PROM1: variants seen among roughly 807,000 people sequenced by gnomAD.
PROM1 encodes the protein prominin 1.
Under a neutral mutation model 116.9 loss-of-function variants are expected in PROM1, and 105 were observed. That is an observed-to-expected ratio of 0.90 (90% confidence interval 0.77 to 1.06). The LOEUF (loss-of-function observed/expected upper bound fraction) is 1.06, where lower values mean the gene tolerates loss of function less well. Among genes scored for constraint, PROM1 ranks in the 50% least tolerant of loss-of-function variants. PROM1 has a pLI of 0.00. For missense variants in PROM1, 1,122 were observed against 1,045.2 expected (o/e 1.07, Z -1.01); for synonymous variants, 393 against 387.0 (o/e 1.02, Z -0.18).
At chr4:16,061,824 C>G (rs144075602) in intron 2 of PROM1, among the ~76,000 whole-genome samples, 7 of 151,524 alleles carry the variant, frequency 4.6e-5, no homozygotes, top group Admixed American at 1.3e-4. Context: ...CTGGTGGTTC[C>G]TTGAGTTGTA....
intron 27 of PROM1, among the ~76,000 whole-genome samples, chr4:15,970,182 T>C (rs1005657273): frequency 6.6e-6 from 1 of 151,296 alleles, no homozygotes; most frequent in African/African-American, 2.4e-5. Context: ...TTTTTTTTTT[T>C]TGTGATGGAG....
intron 2 of PROM1, among the ~76,000 whole-genome samples, chr4:16,057,132 T>A (rs1281746695): frequency 6.6e-6 from 1 of 152,240 alleles, no homozygotes; most frequent in Non-Finnish European, 1.5e-5. Context: ...AATGGCTCTT[T>A]AAAGAAACAC....
intron 26 of PROM1, among the ~76,000 whole-genome samples, chr4:15,978,758 C>T (rs1716905430): frequency 6.6e-6 from 1 of 152,190 alleles, no homozygotes; most frequent in South Asian, 2.1e-4. Flanking sequence ...CACTATGTCT[C>T]CACCTCTTAT....
chr4:16,064,840 C>T (rs1460245944), intron 2 of PROM1, among the ~76,000 whole-genome samples: 1 of 150,700 alleles, frequency 6.6e-6, no homozygotes, highest in African/African-American at 2.4e-5. Flanking sequence ...TTGCAGTGAG[C>T]CGAGACTACA....
intron 26 of PROM1, among the ~76,000 whole-genome samples, chr4:15,976,932 C>T (rs1326316014): frequency 6.6e-6 from 1 of 152,174 alleles, no homozygotes; most frequent in Non-Finnish European, 1.5e-5. Context: ...CAGTGCTGCT[C>T]CAGCCCTGGG....
At chr4:16,063,156 A>G (rs999786884) in intron 2 of PROM1, among the ~76,000 whole-genome samples, 1 of 152,248 alleles carries the variant, frequency 6.6e-6, no homozygotes, top group African/African-American at 2.4e-5. Flanking sequence ...GAAATGCAGT[A>G]GACAGAGGAA....
intron 5 of PROM1, among the ~76,000 whole-genome samples, chr4:16,031,866 C>T (rs1578129323): frequency 6.6e-6 from 1 of 152,180 alleles, no homozygotes; most frequent in Non-Finnish European, 1.5e-5. Flanking sequence ...ATAGTCACTG[C>T]CCTGGAGTAA....
intron 2 of PROM1, among the ~76,000 whole-genome samples, chr4:16,060,057 A>C (rs1378143509): frequency 6.6e-6 from 1 of 152,240 alleles, no homozygotes; most frequent in African/African-American, 2.4e-5. Flanking sequence ...TGCATAAAAT[A>C]GGTCTGAAGA....
At chr4:15,992,478 T>C in intron 16 of PROM1, 87 bp from the exon 17 acceptor site, 1 of 1,425,298 alleles carries the variant, frequency 7.0e-7, no homozygotes, top group Non-Finnish European at 9.6e-7. Context: ...AAAAGCTGGA[T>C]GTGGTGGCTC....
chr4:16,018,281 C>A, intron 9 of PROM1, 42 bp downstream of exon 9: 1 of 1,591,308 alleles, frequency 6.3e-7, no homozygotes, highest in East Asian at 2.2e-5. Flanking sequence ...CGGCAATCCC[C>A]AGCATGCAGC....
rs1730392823 is a variant in PROM1, at chr4:16,023,344, T to A, written c.766A>T (p.Ile256Phe). ...TGCTTACCTGTTGCCATGGACTTAATCTCATCAAGAACAGGGATGATGTTG... is the reference window on the plus strand; with the variant it reads ...TGCTTACCTGTTGCCATGGACTTAAACTCATCAAGAACAGGGATGATGTTG... ...RPNIIPVLDE[I>F]KSMATAIKET... The change falls in exon 8 of 28, where the codon ATT becomes TTT. Residue 256 changes from isoleucine (I) to phenylalanine (F), a missense_variant. Physicochemically the swap from Ile to Phe is conservative, Grantham distance 21. Transcript: ENST00000447510. 1.2e-6 allele frequency: 2 copies of A among 1,605,358 alleles called. No individual in the cohort carries two copies. Among genetic ancestry groups the A allele is most frequent in the Non-Finnish European group, 1.7e-6 (2 of 1,175,218 alleles).
intron 26 of PROM1, chr4:15,976,070 C>T: frequency 2.4e-6 from 1 of 423,440 alleles, no homozygotes; most frequent in Non-Finnish European, 4.8e-6. Context: ...GTATGAAGTG[C>T]TAGGCCCTTA....
intron 16 of PROM1, among the ~76,000 whole-genome samples, chr4:15,992,789 G>A (rs1322369869): frequency 6.6e-6 from 1 of 152,186 alleles, no homozygotes; most frequent in Admixed American, 6.5e-5. Flanking sequence ...AGCTGAAAGG[G>A]ACACAGGGTA....
rs1358207360 is a variant in PROM1, at chr4:15,976,181, G to C, written c.2582+3214C>G. 6.6e-6 allele frequency: 3 copies of C among 455,668 alleles called. No homozygotes were observed. The Admixed American group carries it at 7.1e-5, about 11-fold the overall frequency. 28.2% of individuals were successfully genotyped at this position (455,668 alleles called of 1,614,324 possible). On this transcript the variant is annotated intron_variant, in intron 26 of 27. Transcript: ENST00000447510. ...TAATAGAACAATGGCATTTAATCTA[G>C]TTCGAATTTCAACACTAAAAGCCCA...
intron 2 of PROM1, among the ~76,000 whole-genome samples, chr4:16,066,782 A>G (rs539165802): frequency 6.6e-6 from 1 of 152,278 alleles, no homozygotes; most frequent in South Asian, 2.1e-4. Context: ...TTACATTCAC[A>G]CTTAATCTCC....
intron 10 of PROM1, among the ~76,000 whole-genome samples, chr4:16,014,313 C>T (rs913132119): frequency 6.6e-6 from 1 of 152,168 alleles, no homozygotes; most frequent in African/African-American, 2.4e-5. Context: ...CTCAGCACAC[C>T]GGTGCTTGTG....
chr4:15,991,797 G>C (rs531648440), intron 17 of PROM1, among the ~76,000 whole-genome samples: 55 of 151,996 alleles, frequency 3.6e-4, no homozygotes, highest in African/African-American at 1.1e-3. Flanking sequence ...TTAGCTGGGC[G>C]TGGTGGCAGG....
intron 17 of PROM1, among the ~76,000 whole-genome samples, chr4:15,991,958 AAAAG>A (rs1721142566): frequency 1.4e-5 from 2 of 147,602 alleles, no homozygotes; most frequent in African/African-American, 5.0e-5. Flanking sequence ...AAAAAAAAAA[AAAAG>A]ACCACAGATG....
At chr4:16,005,345 A>T (rs185862801) in intron 13 of PROM1, among the ~76,000 whole-genome samples, 8 of 152,152 alleles carry the variant, frequency 5.3e-5, no homozygotes, top group Non-Finnish European at 5.9e-5. Flanking sequence ...GGTAGACCTC[A>T]GGTCATTAGC....
Sources: gnomAD v4.1 joint callset for allele counts (sites outside exome capture counted in the v4.1 genomes callset) on GRCh38, gnomAD v4.1.1 for gene constraint, MANE v1.5 for transcripts, NCBI Gene and HGNC (gene_info 2026-07-23, HGNC 2026-07-21) for gene names.